The following SORT1 variants were observed in gnomAD, a reference collection of about 807,000 sequenced individuals.
SORT1 encodes the protein sortilin 1, also known as sortilin.
A neutral mutation model predicts 101.7 loss-of-function variants in SORT1; 39 were observed. The ratio of observed to expected loss-of-function variants is 0.38; its 90% CI spans 0.30 to 0.50. The LOEUF is 0.50. SORT1 is among the 20% of genes least tolerant of loss of function. The pLI is 0.90. For missense variants in SORT1, 878 were observed against 1,040.4 expected (o/e 0.84, Z 2.15); for synonymous variants, 396 against 393.7 (o/e 1.01, Z -0.07).
intron 3 of SORT1, among the ~76,000 whole-genome samples, chr1:109,364,633 G>C (rs904647767): frequency 3.9e-5 from 6 of 152,238 alleles, no homozygotes; most frequent in African/African-American, 1.2e-4. Context: ...CATAATGCCA[G>C]GTGTTAGTAA....
chr1:109,335,615 CA>C (rs11351199), intron 11 of SORT1, among the ~76,000 whole-genome samples: 66,001 of 151,954 alleles, frequency 0.43, 16,452 homozygotes, highest in East Asian at 0.61. Flanking sequence ...AGCTGTCCCC[CA>C]AGCTCACATT....
At chr1:109,364,900 T>A (rs1161485922) in intron 3 of SORT1, among the ~76,000 whole-genome samples, 1 of 152,208 alleles carries the variant, frequency 6.6e-6, no homozygotes, top group African/African-American at 2.4e-5. Context: ...ATTGTCCTTT[T>A]ACAGATGACA....
At chr1:109,329,447 G>A (rs1210195998) in intron 11 of SORT1, among the ~76,000 whole-genome samples, 2 of 152,244 alleles carry the variant, frequency 1.3e-5, no homozygotes, top group South Asian at 4.1e-4. Flanking sequence ...TAGAGACAGG[G>A]TTTCACCATG....
intron 15 of SORT1, 81 bp downstream of exon 15, chr1:109,322,851 T>C (rs1647726464): frequency 8.6e-7 from 1 of 1,168,780 alleles, no homozygotes; most frequent in East Asian, 2.5e-5. Context: ...GATTTCAATA[T>C]TTGTTAGCCC....
Position 109,351,141 on chromosome 1 carries a change from C to A in SORT1, c.709-139G>T, listed in dbSNP as rs113089277. ...CTCCATCAGAGCTGCCCGAGCTCCA[C>A]AGACACACACGTAGTTTATCTGGGC... On this transcript the variant is annotated intron_variant, in intron 5 of 19. Coordinates refer to ENST00000256637, the MANE Select transcript of SORT1 (RefSeq NM_002959.7). 1,050 of 693,820 alleles carry A rather than the reference C, an allele frequency of 1.5e-3. 14 individuals carry two copies. The African/African-American group carries it at 0.017, about 11-fold the overall frequency. 43.0% of individuals were successfully genotyped at this position (693,820 alleles called of 1,614,324 possible). A position where few individuals can be genotyped will look rare whatever the true frequency, so the allele number is the denominator to read the frequency against.
At chr1:109,318,919 A>G (rs1484673224) in intron 15 of SORT1, among the ~76,000 whole-genome samples, 1 of 152,212 alleles carries the variant, frequency 6.6e-6, no homozygotes, top group East Asian at 1.9e-4. Flanking sequence ...TGCTGGCATT[A>G]CAGGCGTGAA....
At chr1:109,361,244 A>T (rs1438920632) in intron 3 of SORT1, among the ~76,000 whole-genome samples, 1 of 152,238 alleles carries the variant, frequency 6.6e-6, no homozygotes, top group Non-Finnish European at 1.5e-5. Context: ...CTAAATATGC[A>T]ATTTCATTGC....
At chr1:109,340,691 G>T in intron 10 of SORT1, 33 bp downstream of exon 10, 1 of 1,611,474 alleles carries the variant, frequency 6.2e-7, no homozygotes, top group Non-Finnish European at 8.5e-7. Context: ...TGCAGCTGAA[G>T]GCACAGTACA....
intron 4 of SORT1, 57 bp from the exon 5 acceptor site, chr1:109,354,588 G>T: frequency 7.7e-7 from 1 of 1,303,114 alleles, no homozygotes; most frequent in South Asian, 1.4e-5. Flanking sequence ...GCAAGCACAG[G>T]AGTTCTTACA....
rs1407695563 is a variant in SORT1, at chr1:109,397,884, C to A, written c.9G>T (p.Arg3=). 3 of 1,180,090 alleles carry A rather than the reference C, an allele frequency of 2.5e-6. No individual in the cohort carries two copies. Among genetic ancestry groups the A allele is most frequent in the Admixed American group, 4.4e-5 (1 of 22,694 alleles). The allele number at this position is 1,180,090 out of a possible 1,614,324, so 73.1% of individuals were successfully genotyped here. A position where few individuals can be genotyped will look rare whatever the true frequency, so the allele number is the denominator to read the frequency against. Residue 3 remains arginine (R), a synonymous_variant, in exon 1 of 20, where the codon CGG becomes CGT. Transcript: ENST00000256637. ...AGAGGCCGTCCGCAGCTCCCCAGGGCCGCTCCATCGCCGCCGAATGCCGCC... is the reference window on the plus strand; with the variant it reads ...AGAGGCCGTCCGCAGCTCCCCAGGGACGCTCCATCGCCGCCGAATGCCGCC... The part of the protein sequence containing the change: ME[R]PWGAADGLSR...
chr1:109,345,892 A>G lies in SORT1; in HGVS notation c.833-11T>C. On this transcript the variant is annotated splice_polypyrimidine_tract_variant and intron_variant, in intron 7 of 19. Transcript: ENST00000256637. ...CCCCAAGGTCAGCTTCTTAAACAAG[A>G]CAAAATATTAATTAAAATTTCACTT... 6.2e-7 allele frequency: 1 copy of G among 1,602,682 alleles called. No individual in the cohort carries two copies. The highest frequency in any genetic ancestry group is 8.5e-7 in the Non-Finnish European group (1 of 1,175,658).
chr1:109,375,936 C>G (rs1651804536), intron 1 of SORT1, among the ~76,000 whole-genome samples: 1 of 151,484 alleles, frequency 6.6e-6, no homozygotes. Flanking sequence ...ACTAAAACAT[C>G]ACACACACAC....
chr1:109,345,172 G>A (rs531130922), intron 8 of SORT1, among the ~76,000 whole-genome samples: 1 of 152,310 alleles, frequency 6.6e-6, no homozygotes, highest in South Asian at 2.1e-4. Flanking sequence ...ATGAGCAAGA[G>A]ATTGCTTTCT....
chr1:109,336,506 A>T (rs1414612788), intron 10 of SORT1, among the ~76,000 whole-genome samples, 160 bp from the exon 11 acceptor site: 1 of 152,184 alleles, frequency 6.6e-6, no homozygotes, highest in Non-Finnish European at 1.5e-5. Context: ...ACGGAGCAGC[A>T]CTTTAAATAT....
intron 11 of SORT1, among the ~76,000 whole-genome samples, chr1:109,332,727 T>TA (rs1487466598): frequency 6.6e-6 from 1 of 152,132 alleles, no homozygotes; most frequent in Non-Finnish European, 1.5e-5. Context: ...TATTGAGCTA[T>TA]AGTAATCAAA....
At chr1:109,390,774 TGTGTGTGTGTGTGTGTGTGTGTGTGC>T (rs1652860849) in intron 1 of SORT1, among the ~76,000 whole-genome samples, 2 of 131,752 alleles carry the variant, frequency 1.5e-5, no homozygotes, top group Admixed American at 1.5e-4. Context: ...TGTGTGTATG[TGTGTGTGTGTGTGTGTGTGTGTGTGC>T]GCGCGCGCGT....
chr1:109,311,048 G>C lies in SORT1; in HGVS notation c.*2995C>G, dbSNP rs771597194. ...TTACGGCTGATCTATGGACTCTCCT[G>C]AGCCCGCCCCCAGAACTGCCGCAAC... On this transcript the variant is annotated 3_prime_UTR_variant, in exon 20 of 20. Transcript: ENST00000256637. 2 of 152,224 alleles carry C rather than the reference G, an allele frequency of 1.3e-5. No individual in the cohort carries two copies. The highest frequency in any genetic ancestry group is 2.4e-5 in the African/African-American group (1 of 41,452). 9.4% of individuals were successfully genotyped at this position (152,224 alleles called of 1,614,324 possible).
chr1:109,376,659 C>A (rs1651877040), intron 1 of SORT1, among the ~76,000 whole-genome samples: 1 of 152,092 alleles, frequency 6.6e-6, no homozygotes, highest in Non-Finnish European at 1.5e-5. Context: ...AACCAAATAC[C>A]ACATGCTCTC....
chr1:109,359,245 T>C (rs1368327727), intron 3 of SORT1, among the ~76,000 whole-genome samples: 2 of 152,076 alleles, frequency 1.3e-5, no homozygotes, highest in East Asian at 3.9e-4. Flanking sequence ...TCTCGGGGTC[T>C]CTCTTATAAG....
Sources: allele counts gnomAD v4.1 joint callset (sites outside exome capture counted in the v4.1 genomes callset), GRCh38; gene constraint gnomAD v4.1.1; transcripts MANE v1.5; gene names NCBI Gene and HGNC (gene_info 2026-07-23, HGNC 2026-07-21).